The following DAB1 variants were observed in gnomAD, a reference collection of about 807,000 sequenced individuals.
DAB1 encodes DAB adaptor protein 1.
In DAB1, 15 loss-of-function variants were observed where a neutral mutation model predicts 64.6. The observed-to-expected ratio is 0.23, with a 90% CI of 0.16 to 0.36. The LOEUF is 0.36. Among genes scored for constraint, DAB1 ranks in the 10% least tolerant of loss-of-function variants. The probability of loss-of-function intolerance (pLI) is 1.00; values close to 1 mark genes in which losing one functional copy is unlikely to be tolerated. For missense variants in DAB1, 596 were observed against 706.7 expected (o/e 0.84, Z 1.78); for synonymous variants, 235 against 251.9 (o/e 0.93, Z 0.64).
At chr1:57,407,193 C>T (rs1683710618) in intron 1 of DAB1, among the ~76,000 whole-genome samples, 1 of 152,178 alleles carries the variant, frequency 6.6e-6, no homozygotes, top group African/African-American at 2.4e-5. Context: ...TTCCCCGCGC[C>T]AGTAGGATTT....
chr1:57,249,242 T>C (rs1432507285), intron 2 of DAB1, among the ~76,000 whole-genome samples: 2 of 152,218 alleles, frequency 1.3e-5, no homozygotes, highest in Non-Finnish European at 2.9e-5. Flanking sequence ...TTTTGCACTA[T>C]GGCAATTTAT....
intron 5 of DAB1, among the ~76,000 whole-genome samples, chr1:58,127,059 G>C (rs1365409105): frequency 6.6e-6 from 1 of 150,720 alleles, no homozygotes; most frequent in Non-Finnish European, 1.5e-5. Context: ...GGTTGAACTA[G>C]TTTACAGTCC....
intron 5 of DAB1, chr1:58,080,260 C>T (rs1171890559): frequency 1.3e-5 from 2 of 152,188 alleles, no homozygotes; most frequent in African/African-American, 4.8e-5. Flanking sequence ...TTTTCAATAA[C>T]ACTTTATGAC....
At chr1:57,170,125 TAGCTG>T (rs888033088) in intron 2 of DAB1, among the ~76,000 whole-genome samples, 8 of 151,986 alleles carry the variant, frequency 5.3e-5, no homozygotes, top group African/African-American at 1.7e-4. Context: ...GCCTCCTGAG[TAGCTG>T]GGCTTACAGG....
intron 3 of DAB1, among the ~76,000 whole-genome samples, chr1:58,414,047 G>C (rs1644694469): frequency 6.6e-6 from 1 of 152,220 alleles, no homozygotes; most frequent in Non-Finnish European, 1.5e-5. Flanking sequence ...TTGTAATACA[G>C]TGGTAAGTAT....
intron 6 of DAB1, among the ~76,000 whole-genome samples, chr1:57,749,717 G>T (rs1453907796): frequency 6.6e-6 from 1 of 152,134 alleles, no homozygotes; most frequent in Non-Finnish European, 1.5e-5. Context: ...GATGGAAGAG[G>T]ATGGGAGAAA....
chr1:58,174,951 C>T lies in DAB1; in HGVS notation n.310-24363G>A, dbSNP rs534901327. On this transcript the variant is annotated intron_variant and non_coding_transcript_variant, in intron 4 of 20. Transcript: ENST00000485760. ...CAGCACTCTGTGTCTAGCTAAAGGA[C>T]TGTAAACGCACCAATCAGCACTCTG... Among the ~76,000 whole-genome samples, 16 of 152,028 alleles carry T rather than the reference C, an allele frequency of 1.1e-4. No homozygotes were observed. In the South Asian group the frequency reaches 2.9e-3, roughly 28 times the overall value.
intron 9 of DAB1, among the ~76,000 whole-genome samples, chr1:57,057,621 T>G (rs1290000551): frequency 1.3e-5 from 2 of 151,370 alleles, no homozygotes; most frequent in African/African-American, 4.9e-5. Flanking sequence ...TTTTTTTTTT[T>G]TTTGGAGACA....
intron 4 of DAB1, among the ~76,000 whole-genome samples, chr1:58,311,072 G>A (rs1662419811): frequency 6.6e-6 from 1 of 152,056 alleles, no homozygotes; most frequent in Non-Finnish European, 1.5e-5. Flanking sequence ...CAGTTTAGCA[G>A]GAATCTCCCA....
chr1:58,409,414 A>G (rs1174517141), intron 3 of DAB1, among the ~76,000 whole-genome samples: 1 of 152,142 alleles, frequency 6.6e-6, no homozygotes, highest in African/African-American at 2.4e-5. Flanking sequence ...TTCCCCCAGG[A>G]CGTTATGCAG....
chr1:57,515,755 C>A (rs780800746), intron 7 of DAB1, among the ~76,000 whole-genome samples: 1 of 152,208 alleles, frequency 6.6e-6, no homozygotes, highest in African/African-American at 2.4e-5. Flanking sequence ...TTGTGCCAAG[C>A]CTTGAGCCAA....
intron 9 of DAB1, chr1:57,033,330 G>A (rs1248519968): frequency 9.1e-6 from 14 of 1,543,328 alleles, no homozygotes; most frequent in Non-Finnish European, 1.2e-5. Flanking sequence ...AAGAGAATAT[G>A]GAATGCATGA....
intron 5 of DAB1, among the ~76,000 whole-genome samples, chr1:58,080,815 C>T (rs1188067446): frequency 6.6e-6 from 1 of 152,194 alleles, no homozygotes; most frequent in Non-Finnish European, 1.5e-5. Context: ...GCAGACATCA[C>T]CCCAAAATAA....
At chr1:57,273,549 GCCTGCCTTCCTTCCTT>G (rs1671190800) in intron 2 of DAB1, among the ~76,000 whole-genome samples, 24 of 75,798 alleles carry the variant, frequency 3.2e-4, no homozygotes, top group African/African-American at 8.9e-4. Context: ...CTGCCTGCCT[GCCTGCCTTCCTTCCTT>G]CCTTCCTTCC....
intron 4 of DAB1, among the ~76,000 whole-genome samples, chr1:57,082,783 G>T (rs898456103): frequency 6.6e-6 from 1 of 152,122 alleles, no homozygotes; most frequent in African/African-American, 2.4e-5. Flanking sequence ...GCGGTATTTG[G>T]TTTTCTGTTC....
intron 2 of DAB1, among the ~76,000 whole-genome samples, chr1:57,146,276 TAG>T (rs1325227386): frequency 6.6e-6 from 1 of 152,210 alleles, no homozygotes; most frequent in African/African-American, 2.4e-5. Flanking sequence ...CAAGTAAACA[TAG>T]TCTGAAATAA....
chr1:57,822,044 T>C (rs1199139802), downstream of DAB1, among the ~76,000 whole-genome samples: 1 of 152,208 alleles, frequency 6.6e-6, no homozygotes, highest in Non-Finnish European at 1.5e-5. Context: ...CAGGCTTCCT[T>C]CAGGTGGCTG....
intron 7 of DAB1, among the ~76,000 whole-genome samples, chr1:57,450,056 A>G (rs1273126724): frequency 2.6e-5 from 4 of 152,242 alleles, no homozygotes; most frequent in Admixed American, 2.6e-4. Flanking sequence ...ATTTTTCACT[A>G]GAAGCTTTTA....
chr1:58,446,954 C>T (rs1645074374), intron 3 of DAB1, among the ~76,000 whole-genome samples: 1 of 152,222 alleles, frequency 6.6e-6, no homozygotes, highest in South Asian at 2.1e-4. Flanking sequence ...TCCCCAAACC[C>T]TCATATCACC....
Sources: allele counts gnomAD v4.1 joint callset (sites outside exome capture counted in the v4.1 genomes callset), GRCh38; gene constraint gnomAD v4.1.1; transcripts MANE v1.5; gene names NCBI Gene and HGNC (gene_info 2026-07-23, HGNC 2026-07-21).